INPP4B: variants seen among roughly 807,000 people sequenced by gnomAD.
INPP4B encodes inositol polyphosphate 4-phosphatase type II.
Under a neutral mutation model 122.5 loss-of-function variants are expected in INPP4B, and 55 were observed. The observed-to-expected ratio is 0.45, with a 90% CI of 0.36 to 0.56. The LOEUF is 0.56. Ranked by LOEUF, INPP4B falls within the 20% of genes least tolerant of loss-of-function variation. The probability of loss-of-function intolerance (pLI) is 0.00; values close to 1 mark genes in which losing one functional copy is unlikely to be tolerated. For synonymous variants in INPP4B, 403 were observed against 388.7 expected (o/e 1.04, Z -0.43); for missense variants, 1,000 against 1,097.7 (o/e 0.91, Z 1.26).
chr4:142,722,053 G>GA (rs70949186), intron 2 of INPP4B, among the ~76,000 whole-genome samples: 4,052 of 151,936 alleles, frequency 0.027, 62 homozygotes, highest in South Asian at 0.05. Flanking sequence ...TTATATTGAA[G>GA]AAAAAAATCC....
At chr4:142,363,954 C>T (rs1259169550) in intron 7 of INPP4B, among the ~76,000 whole-genome samples, 1 of 152,008 alleles carries the variant, frequency 6.6e-6, no homozygotes, top group African/African-American at 2.4e-5. Context: ...CTGCTCCCAT[C>T]CTTGGGCTTG....
intron 3 of INPP4B, among the ~76,000 whole-genome samples, chr4:142,456,182 C>CT (rs150767660): frequency 0.16 from 24,144 of 151,770 alleles, 2,199 homozygotes; most frequent in East Asian, 0.38. Context: ...TCCATTTTTG[C>CT]TTGGTTGTCT....
intron 17 of INPP4B, 95 bp downstream of exon 17, chr4:142,160,263 C>A: frequency 1.1e-6 from 1 of 932,014 alleles, no homozygotes; most frequent in Non-Finnish European, 1.5e-6. Context: ...AACTTTTTTT[C>A]CATTTTTTAA....
chr4:142,026,245 C>A lies in INPP4B; in HGVS notation c.*2537G>T, dbSNP rs1380360048. 6.6e-6 allele frequency: 1 copy of A among 152,078 alleles called. No homozygotes were observed. Among genetic ancestry groups the A allele is most frequent in the Non-Finnish European group, 1.5e-5 (1 of 68,010 alleles). The allele number at this position is 152,078 out of a possible 1,614,324, so 9.4% of individuals were successfully genotyped here. A position where few individuals can be genotyped will look rare whatever the true frequency, so the allele number is the denominator to read the frequency against. On this transcript the variant is annotated 3_prime_UTR_variant, in exon 26 of 26. Transcript: ENST00000262992. The stretch of plus-strand genomic sequence containing the variant: ...TTGCTCTTTGATTTAGCCTTAATAA[C>A]TTAAGAAATAGTGAAGTGGTTGTTT...
At chr4:142,474,687 A>G (rs1478542740) in intron 2 of INPP4B, among the ~76,000 whole-genome samples, 2 of 151,918 alleles carry the variant, frequency 1.3e-5, no homozygotes, top group Admixed American at 6.6e-5. Flanking sequence ...GTCAACGCCT[A>G]CTAGAGCTTC....
chr4:142,353,039 C>G (rs967887320), intron 7 of INPP4B, among the ~76,000 whole-genome samples: 1 of 151,882 alleles, frequency 6.6e-6, no homozygotes, highest in Non-Finnish European at 1.5e-5. Flanking sequence ...GCCCAATGTG[C>G]TACCACCGAG....
chr4:142,612,081 C>T (rs1742663083), intron 2 of INPP4B, among the ~76,000 whole-genome samples: 1 of 152,124 alleles, frequency 6.6e-6, no homozygotes, highest in Non-Finnish European at 1.5e-5. Context: ...TTTGCACATG[C>T]AGGTATGGTG....
chr4:142,719,906 A>G (rs77493156), intron 2 of INPP4B, among the ~76,000 whole-genome samples: 1,903 of 152,348 alleles, frequency 0.012, 28 homozygotes, highest in African/African-American at 0.035. Flanking sequence ...TGGATGCCGA[A>G]AAATTAATAC....
Position 142,252,302 on chromosome 4 carries a change from C to T in INPP4B, c.688+8190G>A, listed in dbSNP as rs2150212767. 1.3e-5 allele frequency among the ~76,000 whole-genome samples: 2 copies of T among 151,548 alleles called. 1 individual carries two copies. On this transcript the variant is annotated intron_variant, in intron 11 of 25. Coordinates refer to ENST00000262992, the MANE Select transcript of INPP4B (RefSeq NM_001101669.3). ...CTCCCGGGTTCACGCCATTCTCCTG[C>T]CTCAGCCTCCCGAGTAGCTGGGACT...
intron 12 of INPP4B, among the ~76,000 whole-genome samples, chr4:142,217,634 T>C (rs1450844053): frequency 1.1e-4 from 16 of 152,216 alleles, no homozygotes; most frequent in Admixed American, 1.0e-3. Flanking sequence ...CCTATTGTGA[T>C]GGTTAATTGT....
At chr4:142,495,204 T>TAA (rs1822383102) in intron 2 of INPP4B, among the ~76,000 whole-genome samples, 1 of 152,150 alleles carries the variant, frequency 6.6e-6, no homozygotes, top group African/African-American at 2.4e-5. Flanking sequence ...TCTTAAAAAC[T>TAA]TTAGTAACAT....
At chr4:142,423,728 C>T in intron 5 of INPP4B, 1 of 420,822 alleles carries the variant, frequency 2.4e-6, no homozygotes, top group Admixed American at 2.9e-5. Context: ...TGCATATCCA[C>T]ATGACACTTT....
At chr4:142,383,267 G>T (rs892591722) in intron 7 of INPP4B, among the ~76,000 whole-genome samples, 1 of 152,020 alleles carries the variant, frequency 6.6e-6, no homozygotes, top group Non-Finnish European at 1.5e-5. Context: ...TCAGGTTTTA[G>T]TATTAAACCT....
At chr4:142,062,898 T>C in intron 25 of INPP4B, among the ~76,000 whole-genome samples, 1 of 152,172 alleles carries the variant, frequency 6.6e-6, no homozygotes, top group South Asian at 2.1e-4. Context: ...AACACATATG[T>C]ATAGACCTCA....
chr4:142,556,366 A>G (rs1394569726), intron 2 of INPP4B, among the ~76,000 whole-genome samples: 2 of 152,238 alleles, frequency 1.3e-5, no homozygotes, highest in African/African-American at 4.8e-5. Flanking sequence ...GACTCCAGAC[A>G]GGAGTTCTAA....
At chr4:142,484,348 A>G (rs1820946212) in intron 2 of INPP4B, among the ~76,000 whole-genome samples, 1 of 152,216 alleles carries the variant, frequency 6.6e-6, no homozygotes, top group Non-Finnish European at 1.5e-5. Context: ...GCATATAAAA[A>G]TGTGTGAAAT....
Position 142,115,152 on chromosome 4 carries a change from G to T in INPP4B, c.2136-2470C>A, listed in dbSNP as rs886385237. Reference sequence around the variant, plus strand: ...AACCAACAAAGCCTCCAAGAAATATGGGACTATGTGAAAAGACCAAATCTA... The same window carrying T: ...AACCAACAAAGCCTCCAAGAAATATTGGACTATGTGAAAAGACCAAATCTA... On this transcript the variant is annotated intron_variant, in intron 21 of 25. Coordinates refer to ENST00000262992, the MANE Select transcript of INPP4B (RefSeq NM_001101669.3). 2.6e-5 allele frequency among the ~76,000 whole-genome samples: 4 copies of T among 152,166 alleles called. 1 individual carries two copies. In the South Asian group the frequency reaches 8.3e-4, roughly 32 times the overall value.
chr4:142,332,855 A>G (rs983084326), intron 7 of INPP4B, among the ~76,000 whole-genome samples: 6 of 151,194 alleles, frequency 4.0e-5, no homozygotes, highest in Non-Finnish European at 7.4e-5. Context: ...ATTAAAAAAA[A>G]AAAAAAAAGG....
chr4:142,527,665 C>T (rs1827105303), intron 2 of INPP4B, among the ~76,000 whole-genome samples: 1 of 151,830 alleles, frequency 6.6e-6, no homozygotes, highest in Non-Finnish European at 1.5e-5. Context: ...AACATATAGA[C>T]TAGGGATAGG....
Sources: gnomAD v4.1 joint callset for allele counts (sites outside exome capture counted in the v4.1 genomes callset) on GRCh38, gnomAD v4.1.1 for gene constraint, MANE v1.5 for transcripts, NCBI Gene and HGNC (gene_info 2026-07-23, HGNC 2026-07-21) for gene names.